The following ITGA9 variants were observed in gnomAD, a reference collection of about 807,000 sequenced individuals.
ITGA9 encodes the protein integrin subunit alpha 9.
Under a neutral mutation model 127.8 loss-of-function variants are expected in ITGA9, and 56 were observed. The ratio of observed to expected loss-of-function variants is 0.44; its 90% CI spans 0.35 to 0.55. The LOEUF is 0.55. Among genes scored for constraint, ITGA9 ranks in the 20% least tolerant of loss-of-function variants. The probability of loss-of-function intolerance (pLI) is 0.00; values close to 1 mark genes in which losing one functional copy is unlikely to be tolerated. For synonymous variants in ITGA9, 508 were observed against 514.5 expected, an observed-to-expected ratio of 0.99 and a Z score of 0.17; for missense variants, 1,196 against 1,347.1, an observed-to-expected ratio of 0.89 and a Z score of 1.76.
intron 16 of ITGA9, among the ~76,000 whole-genome samples, chr3:37,646,034 C>G (rs1575179019): frequency 6.6e-6 from 1 of 152,346 alleles, no homozygotes; most frequent in South Asian, 2.1e-4. Flanking sequence ...CGTCCTTACT[C>G]TGACTCAGAG....
intron 15 of ITGA9, among the ~76,000 whole-genome samples, chr3:37,544,819 C>A (rs943165697): frequency 6.6e-6 from 1 of 152,184 alleles, no homozygotes; most frequent in African/African-American, 2.4e-5. Flanking sequence ...TCTCTGAGAC[C>A]TTTATGGTTC....
intron 26 of ITGA9, among the ~76,000 whole-genome samples, chr3:37,793,385 G>A (rs1697134867): frequency 7.9e-6 from 1 of 126,788 alleles, no homozygotes; most frequent in African/African-American, 3.1e-5. Flanking sequence ...GCCCCAAACA[G>A]GTCAACACAC....
chr3:37,771,806 A>AT lies in ITGA9; in HGVS notation c.2542-5577dup, dbSNP rs200248452. On this transcript the variant is annotated intron_variant, in intron 23 of 27. Transcript: ENST00000264741. ...GTCTCCCATGGTCTAGGCAGGAGTC[A>AT]TTTTTTTTTGCTACAGTGGTGGAAA... Among the ~76,000 whole-genome samples, 348 of 150,398 alleles carry AT rather than the reference A, an allele frequency of 2.3e-3. 2 individuals carry two copies. Among genetic ancestry groups the AT allele is most frequent in the African/African-American group, 7.8e-3 (318 of 41,000 alleles).
At chr3:37,473,509 T>C in intron 3 of ITGA9, 49 bp downstream of exon 3, 2 of 1,379,454 alleles carry the variant, frequency 1.4e-6, no homozygotes, top group Non-Finnish European at 1.0e-6. Context: ...ACTCTGAGAA[T>C]GAATGATCTG....
At chr3:37,594,668 A>G (rs1699852383) in intron 15 of ITGA9, among the ~76,000 whole-genome samples, 1 of 152,246 alleles carries the variant, frequency 6.6e-6, no homozygotes, top group Non-Finnish European at 1.5e-5. Flanking sequence ...TGGTGATAAC[A>G]GTACCTTCCT....
chr3:37,467,782 A>T (rs2125551216), intron 1 of ITGA9, among the ~76,000 whole-genome samples: 1 of 152,228 alleles, frequency 6.6e-6, no homozygotes, highest in African/African-American at 2.4e-5. Context: ...GAGGTATTTT[A>T]TGCTCCCCAG....
At chr3:37,671,609 G>A (rs1052391899) in intron 17 of ITGA9, among the ~76,000 whole-genome samples, 6 of 152,068 alleles carry the variant, frequency 3.9e-5, no homozygotes, top group Middle Eastern at 3.2e-3. Flanking sequence ...GCCCAGGTGG[G>A]TACCTATGAG....
At chr3:37,542,656 T>C (rs1699286269) in intron 15 of ITGA9, 71 bp downstream of exon 15, 2 of 1,491,872 alleles carry the variant, frequency 1.3e-6, no homozygotes, top group African/African-American at 2.8e-5. Context: ...TGGTGGAAAC[T>C]ATTTTTATTA....
chr3:37,634,698 C>T (rs1700261688), intron 16 of ITGA9, among the ~76,000 whole-genome samples: 1 of 152,162 alleles, frequency 6.6e-6, no homozygotes, highest in South Asian at 2.1e-4. Flanking sequence ...ATCATCCAGA[C>T]AGAAAATCAA....
chr3:37,460,827 G>C (rs1698308834), intron 1 of ITGA9, among the ~76,000 whole-genome samples: 1 of 152,072 alleles, frequency 6.6e-6, no homozygotes, highest in Admixed American at 6.6e-5. Flanking sequence ...CTGACCTCGT[G>C]ATCTGCCCAC....
Position 37,814,561 on chromosome 3 carries a change from CCCCCA to C in ITGA9, c.3010-4325_3010-4321del, listed in dbSNP as rs1427605150. Among the ~76,000 whole-genome samples, 1 of 151,980 alleles carries C rather than the reference CCCCCA, an allele frequency of 6.6e-6. No homozygotes were observed. The highest frequency in any genetic ancestry group is 1.5e-5 in the Non-Finnish European group (1 of 67,978). On this transcript the variant is annotated intron_variant, in intron 27 of 27. Transcript: ENST00000264741. This position sits in a 1 kb window ranked among gnomAD's most constrained non-coding sequence, Gnocchi z 4.3. ...GCCTGGCAACAGAGCGAGACTCCAT[CCCCCA>C]CCCCCCCAAAAAAGAAACAATATTA...
At chr3:37,470,558 G>T (rs778388397) in intron 1 of ITGA9, among the ~76,000 whole-genome samples, 2 of 152,222 alleles carry the variant, frequency 1.3e-5, no homozygotes, top group Admixed American at 6.5e-5. Flanking sequence ...ATTAATCAAT[G>T]AGGAGTTTTT....
intron 18 of ITGA9, among the ~76,000 whole-genome samples, chr3:37,684,730 A>G (rs1242966846): frequency 6.6e-6 from 1 of 152,166 alleles, no homozygotes; most frequent in Non-Finnish European, 1.5e-5. Context: ...CAGCCTCCCA[A>G]AGTGCTGGGA....
intron 26 of ITGA9, among the ~76,000 whole-genome samples, chr3:37,794,926 T>C (rs1482965845): frequency 6.6e-6 from 1 of 152,184 alleles, no homozygotes; most frequent in Non-Finnish European, 1.5e-5. Flanking sequence ...TGGCTTGCCT[T>C]CTAGGCTGAG....
At chr3:37,726,594 C>T (rs1340318285) in intron 18 of ITGA9, among the ~76,000 whole-genome samples, 1 of 152,230 alleles carries the variant, frequency 6.6e-6, no homozygotes, top group Non-Finnish European at 1.5e-5. Flanking sequence ...CCTGGGTCTA[C>T]TGGCCAAGCT....
At chr3:37,745,472 G>A (rs1422211238) in intron 22 of ITGA9, 3 of 152,148 alleles carry the variant, frequency 2.0e-5, no homozygotes, top group African/African-American at 4.8e-5. Flanking sequence ...TTTGCTTTTC[G>A]TAATTGGGTA....
chr3:37,714,682 C>T (rs566461725), intron 18 of ITGA9, among the ~76,000 whole-genome samples: 2 of 152,322 alleles, frequency 1.3e-5, no homozygotes, highest in East Asian at 1.9e-4. Context: ...CCAGCTGGGG[C>T]CTGGTCAGAA....
intron 27 of ITGA9, among the ~76,000 whole-genome samples, chr3:37,817,485 T>C (rs1358790462): frequency 6.6e-6 from 1 of 152,162 alleles, no homozygotes; most frequent in Non-Finnish European, 1.5e-5. Flanking sequence ...CAATAAAAGA[T>C]TTGTCATCAA....
intron 27 of ITGA9, among the ~76,000 whole-genome samples, chr3:37,816,460 T>C (rs985144558): frequency 2.0e-5 from 3 of 152,372 alleles, no homozygotes; most frequent in East Asian, 3.9e-4. Context: ...TTCTCCTTCA[T>C]GGCATGTGAC....
Sources: allele counts gnomAD v4.1 joint callset (sites outside exome capture counted in the v4.1 genomes callset), GRCh38; gene constraint gnomAD v4.1.1; non-coding constraint Gnocchi (gnomAD v3.1); transcripts MANE v1.5; gene names NCBI Gene and HGNC (gene_info 2026-07-23, HGNC 2026-07-21).